Variants in ZNF667 observed in about 807,000 individuals in gnomAD.
ZNF667 encodes the protein myocardial ischemic preconditioning upregulated 1 ortholog.
Under a neutral mutation model 31.8 loss-of-function variants are expected in ZNF667, and 13 were observed. The ratio of observed to expected loss-of-function variants is 0.41; its 90% confidence interval spans 0.27 to 0.65. The LOEUF (loss-of-function observed/expected upper bound fraction) is 0.65, where lower values mean the gene tolerates loss of function less well. Among genes scored for constraint, ZNF667 ranks in the 30% least tolerant of loss-of-function variants. The pLI is 0.32. For missense variants in ZNF667, 642 were observed against 725.6 expected, an observed-to-expected ratio of 0.88 and a Z score of 1.32; for synonymous variants, 228 against 247.1, an observed-to-expected ratio of 0.92 and a Z score of 0.73.
intron 6 of ZNF667, among the ~76,000 whole-genome samples, chr19:56,451,130 A>AG (rs1005401737): frequency 3.3e-5 from 5 of 152,180 alleles, no homozygotes; most frequent in East Asian, 1.9e-4. Flanking sequence ...AAATAAAGGG[A>AG]GGGAAAAAAA....
At position 56,442,324 on chromosome 19, in the gene ZNF667, C is replaced by T. The variant is rs748880533; in HGVS notation, c.671G>A (p.Gly224Glu). 15 of 1,613,786 alleles carry T rather than the reference C, an allele frequency of 9.3e-6. No individual in the cohort carries two copies. Among genetic ancestry groups the T allele is most frequent in the Non-Finnish European group, 1.0e-5 (12 of 1,179,914 alleles). ...TLILHMRIHDGKEILDCGKAL... is the reference protein window; with the variant it reads ...TLILHMRIHDEKEILDCGKAL... ...CTTCCCACAGTCAAGAATTTCCTTT[C>T]CATCATGAATTCTCATATGTAGAAT... is the stretch of plus-strand genomic sequence containing the variant. Residue 224 changes from glycine to glutamate, a missense_variant, in exon 7 of 7, where the codon GGA becomes GAA. Coordinates refer to ENST00000504904, the MANE Select transcript of ZNF667 (RefSeq NM_001321356.2).
intron 6 of ZNF667, among the ~76,000 whole-genome samples, chr19:56,454,245 C>A (rs1471377171): frequency 6.6e-6 from 1 of 151,966 alleles, no homozygotes; most frequent in Admixed American, 6.6e-5. Context: ...AGTAAAATGC[C>A]CATACTACCC....
In ZNF667 at chr19:56,440,546, G is replaced by A; in HGVS notation, c.*616C>T. ...TTCTTTTTTCTGTGACCTTAAATCAGGCTCAGAGCCCTATAATGGACTTCA... is the reference window on the plus strand; with the variant it reads ...TTCTTTTTTCTGTGACCTTAAATCAAGCTCAGAGCCCTATAATGGACTTCA... On this transcript the variant is annotated 3_prime_UTR_variant, in exon 7 of 7. Coordinates refer to ENST00000504904, the MANE Select transcript of ZNF667 (RefSeq NM_001321356.2). The A allele has an allele frequency of 1.0e-6, 1 of 957,642 alleles. No homozygotes were observed. Among genetic ancestry groups the A allele is most frequent in the Non-Finnish European group, 1.2e-6 (1 of 804,624 alleles). The allele number at this position is 957,642 out of a possible 1,614,324, so 59.3% of individuals were successfully genotyped here.
intron 5 of ZNF667, 39 bp downstream of exon 5, chr19:56,460,650 A>G (rs770675916): frequency 5.7e-6 from 9 of 1,587,368 alleles, no homozygotes; most frequent in Middle Eastern, 1.8e-4. Flanking sequence ...ATGTCCCTCA[A>G]TAGGCTGGTT....
Position 56,441,312 on chromosome 19 carries a change from C to T in ZNF667, c.1683G>A (p.Gly561=), listed in dbSNP as rs1198059321. ...GEKPYECNEC[G]KAFSSGSDLI... is the part of the protein sequence containing the mutation. ...GGTCTGAGCCACTGCTAAATGCCTT[C>T]CCACATTCATTACATTCATAGGGTT... The change falls in exon 7 of 7, where the codon GGG becomes GGA. Residue 561 remains glycine, a synonymous_variant. Transcript: ENST00000504904. This position sits in a 1 kb window ranked among gnomAD's most constrained non-coding sequence, Gnocchi z 4.2. 8.1e-6 allele frequency: 13 copies of T among 1,614,172 alleles called. No individual in the cohort carries two copies. Among genetic ancestry groups the T allele is most frequent in the Non-Finnish European group, 1.0e-5 (12 of 1,180,032 alleles).
At chr19:56,449,902 G>A (rs1480167299) in intron 6 of ZNF667, among the ~76,000 whole-genome samples, 2 of 151,102 alleles carry the variant, frequency 1.3e-5, no homozygotes, top group African/African-American at 2.4e-5. Flanking sequence ...GAAATAGTGA[G>A]CTTGAAGATG....
intron 4 of ZNF667, among the ~76,000 whole-genome samples, chr19:56,461,749 C>T (rs1187198048): frequency 2.6e-5 from 4 of 152,228 alleles, no homozygotes; most frequent in Non-Finnish European, 4.4e-5. Flanking sequence ...GTTGGAAAAA[C>T]CACTCAATGA....
At chr19:56,457,342 G>C (rs1187743820) in intron 6 of ZNF667, among the ~76,000 whole-genome samples, 1 of 152,144 alleles carries the variant, frequency 6.6e-6, no homozygotes, top group Non-Finnish European at 1.5e-5. Context: ...AGATGCAGGG[G>C]GACAGGTGGG....
rs140909853 is a variant in ZNF667 at position 56,460,812 on chromosome 19, G to A, written c.37C>T (p.Pro13Ser). Reference protein sequence around the residue: ...SARGKSKSKAPITFGDLAIYF... With the variant: ...SARGKSKSKASITFGDLAIYF... Reference sequence around the variant, plus strand: ...ATGGCTAAGTCCCCAAATGTTATAGGTGCCTGAAATGAAAAATCAAATGTC... The same window carrying A: ...ATGGCTAAGTCCCCAAATGTTATAGATGCCTGAAATGAAAAATCAAATGTC... The change falls in exon 5 of 7, where the codon CCT (proline) becomes TCT (serine). Residue 13 changes from proline (P) to serine (S), a missense_variant. By Grantham distance (74) the Pro-to-Ser change is moderately conservative. Transcript: ENST00000504904. 6.3e-7 allele frequency: 1 copy of A among 1,588,090 alleles called. No individual in the cohort carries two copies. The highest frequency in any genetic ancestry group is 8.6e-7 in the Non-Finnish European group (1 of 1,169,350).
At chr19:56,453,440 A>C (rs1386874981) in intron 6 of ZNF667, among the ~76,000 whole-genome samples, 1 of 152,224 alleles carries the variant, frequency 6.6e-6, no homozygotes, top group African/African-American at 2.4e-5. Flanking sequence ...TAATTCAAGA[A>C]TCCTCAACAA....
intron 6 of ZNF667, among the ~76,000 whole-genome samples, chr19:56,452,695 G>A (rs1031567270): frequency 2.0e-5 from 3 of 152,050 alleles, no homozygotes; most frequent in East Asian, 1.9e-4. Flanking sequence ...CAAGGTGGGC[G>A]GATCACCTGA....
At position 56,442,106 on chromosome 19, in the gene ZNF667, C is replaced by A. The variant is rs374451550; in HGVS notation, c.889G>T (p.Val297Phe). The change falls in exon 7 of 7, where the codon GTT (valine) becomes TTT (phenylalanine). Residue 297 changes from valine (V) to phenylalanine (F), a missense_variant. Val to Phe is a conservative substitution (Grantham distance 50). Transcript: ENST00000504904. ...CCAGCATGAATTCTTTTATGTACAA[C>A]AAAGACTGATTTCTTTTTGAAGCCT... ...GRGFKKKSVFVVHKRIHAGEK... is the reference protein window; with the variant it reads ...GRGFKKKSVFFVHKRIHAGEK... The A allele has an allele frequency of 6.2e-7, 1 of 1,613,636 alleles. No homozygotes were observed. Among genetic ancestry groups the A allele is most frequent in the Non-Finnish European group, 8.5e-7 (1 of 1,179,916 alleles).
At chr19:56,463,091 G>GAAAA (rs1214568362) in intron 3 of ZNF667, among the ~76,000 whole-genome samples, 1 of 152,122 alleles carries the variant, frequency 6.6e-6, no homozygotes, top group African/African-American at 2.4e-5. Flanking sequence ...GGGAGGGTGG[G>GAAAA]CTAAGGCAGG....
rs149274211 is a variant in ZNF667 at position 56,458,235 on chromosome 19, C to T, written c.173G>A (p.Arg58Gln). ...RNLVSLGLSF[R>Q]RPNVITLLEK... is the part of the protein sequence containing the mutation. The stretch of plus-strand genomic sequence containing the variant: ...CAATAAGGTGATCACATTTGGTCTC[C>T]GAAAGGAAAGACCTGTACGTGGGAC... Residue 58 changes from arginine (R) to glutamine (Q), a missense_variant, in exon 6 of 7, where the codon CGG becomes CAG. Physicochemically the swap from Arg to Gln is conservative, Grantham distance 43 (BLOSUM62 1). Coordinates refer to ENST00000504904, the MANE Select transcript of ZNF667 (RefSeq NM_001321356.2). 61 of 1,613,774 alleles carry T rather than the reference C, an allele frequency of 3.8e-5. No homozygotes were observed. The highest frequency in any genetic ancestry group is 2.5e-4 in the East Asian group (11 of 44,888).
chr19:56,449,176 T>G, intron 6 of ZNF667: 1 of 311,852 alleles, frequency 3.2e-6, no homozygotes, highest in Non-Finnish European at 6.4e-6. Context: ...ACATGGAGAG[T>G]CTTCTCTGGA....
At chr19:56,452,605 G>T (rs1381471240) in intron 6 of ZNF667, among the ~76,000 whole-genome samples, 2 of 151,926 alleles carry the variant, frequency 1.3e-5, no homozygotes, top group Admixed American at 6.6e-5. Flanking sequence ...AGAGCAGAAA[G>T]AAATGAAATT....
At chr19:56,447,095 G>C (rs764785293) in intron 6 of ZNF667, among the ~76,000 whole-genome samples, 16 of 151,320 alleles carry the variant, frequency 1.1e-4, no homozygotes, top group Non-Finnish European at 1.8e-4. Context: ...TCTAACTATG[G>C]AAATAAAAAG....
rs771246629 is a variant in ZNF667, at chr19:56,441,342, T to G, written c.1653A>C (p.Gly551=). 7.4e-6 allele frequency: 12 copies of G among 1,614,060 alleles called. No individual in the cohort carries two copies. The highest frequency in any genetic ancestry group is 6.7e-5 in the Admixed American group (4 of 60,006). ...SLILHERSHT[G]EKPYECNECG... is the part of the protein sequence containing the mutation. ...ATTCATTACATTCATAGGGTTTCTC[T>G]CCAGTATGACTTCTTTCATGTAGAA... is the stretch of plus-strand genomic sequence containing the variant. The change falls in exon 7 of 7, where the codon GGA becomes GGC. Residue 551 remains glycine (G), a synonymous_variant. Coordinates refer to ENST00000504904, the MANE Select transcript of ZNF667 (RefSeq NM_001321356.2). The surrounding 1 kb of genome is among the most constrained non-coding windows in gnomAD (Gnocchi z 4.2).
intron 6 of ZNF667, chr19:56,449,116 A>C (rs1421265899): frequency 1.6e-5 from 3 of 185,560 alleles, no homozygotes. Context: ...GGTGACCCCT[A>C]ATGCAAACAT....
Sources: allele counts gnomAD v4.1 joint callset (sites outside exome capture counted in the v4.1 genomes callset), GRCh38; gene constraint gnomAD v4.1.1; non-coding constraint Gnocchi (gnomAD v3.1); transcripts MANE v1.5; gene names NCBI Gene and HGNC (gene_info 2026-07-23, HGNC 2026-07-21).